METTL15: variants seen among roughly 807,000 people sequenced by gnomAD.
METTL15 encodes the protein 12S rRNA N(4)-cytidine methyltransferase METTL15.
A neutral mutation model predicts 38.3 loss-of-function variants in METTL15; 34 were observed. That is an observed-to-expected ratio of 0.89 (90% confidence interval 0.68 to 1.18). The LOEUF (loss-of-function observed/expected upper bound fraction) is 1.18, where lower values mean the gene tolerates loss of function less well. Ranked by LOEUF, METTL15 falls within the 50% of genes most tolerant of loss-of-function variation. The probability of loss-of-function intolerance (pLI) is 0.00; values close to 1 mark genes in which losing one functional copy is unlikely to be tolerated. For synonymous variants in METTL15, 162 were observed against 170.9 expected (o/e 0.95, Z 0.41); for missense variants, 438 against 498.4 (o/e 0.88, Z 1.15).
At chr11:28,230,839 C>T (rs1002362173) in intron 4 of METTL15, among the ~76,000 whole-genome samples, 2 of 151,796 alleles carry the variant, frequency 1.3e-5, no homozygotes, top group East Asian at 3.9e-4. Flanking sequence ...AAATTTAATG[C>T]ACAATTCAAT....
chr11:28,190,402 A>T (rs1045459819), intron 3 of METTL15, among the ~76,000 whole-genome samples: 1 of 151,220 alleles, frequency 6.6e-6, no homozygotes, highest in East Asian at 1.9e-4. Flanking sequence ...TTTACTTGTC[A>T]TGGTGTTAAG....
At chr11:28,367,133 G>T (rs1379179145) in intron 5 of METTL15, among the ~76,000 whole-genome samples, 1 of 151,212 alleles carries the variant, frequency 6.6e-6, no homozygotes, top group African/African-American at 2.4e-5. Context: ...TGAGCGACTG[G>T]TTTCTGTCTC....
At chr11:28,329,408 C>T (rs999803303) in intron 6 of METTL15, among the ~76,000 whole-genome samples, 23 of 151,518 alleles carry the variant, frequency 1.5e-4, no homozygotes, top group African/African-American at 4.6e-4. Flanking sequence ...TCTTTTTTTT[C>T]TTTCAAGATT....
chr11:28,216,067 A>AG (rs1190584967), intron 4 of METTL15, among the ~76,000 whole-genome samples: 1 of 150,080 alleles, frequency 6.7e-6, no homozygotes, highest in African/African-American at 2.5e-5. Flanking sequence ...AATACAAATG[A>AG]AAAGAGTTAA....
chr11:28,288,688 G>T (rs1856388004), intron 4 of METTL15, among the ~76,000 whole-genome samples: 1 of 152,032 alleles, frequency 6.6e-6, no homozygotes. Flanking sequence ...AGGAAGGAGA[G>T]GATCAGGAAA....
intron 3 of METTL15, among the ~76,000 whole-genome samples, chr11:28,126,088 C>G (rs1267964270): frequency 6.6e-6 from 1 of 151,990 alleles, no homozygotes; most frequent in African/African-American, 2.4e-5. Flanking sequence ...GTGGGATTTT[C>G]TTGGTGAAAG....
At chr11:28,464,196 G>A (rs1478686717) in intron 6 of METTL15, among the ~76,000 whole-genome samples, 2 of 152,062 alleles carry the variant, frequency 1.3e-5, no homozygotes, top group African/African-American at 4.8e-5. Context: ...TTTACATAAG[G>A]CCTTCTAATG....
chr11:28,391,399 G>A (rs7948256), intron 5 of METTL15, among the ~76,000 whole-genome samples: 2,375 of 151,974 alleles, frequency 0.016, 72 homozygotes, highest in African/African-American at 0.055. Flanking sequence ...TTTGAGATAC[G>A]TCCCATCAAT....
intron 4 of METTL15, among the ~76,000 whole-genome samples, chr11:28,218,542 C>A (rs1249098344): frequency 6.6e-6 from 1 of 152,082 alleles, no homozygotes; most frequent in Non-Finnish European, 1.5e-5. Context: ...TAATTGAATA[C>A]CCTTTATTTC....
chr11:28,336,391 AG>A (rs908252153), downstream of METTL15, among the ~76,000 whole-genome samples: 3 of 152,138 alleles, frequency 2.0e-5, no homozygotes, highest in Non-Finnish European at 4.4e-5. Context: ...ATACATATTG[AG>A]GGGGAAAAGG....
intron 3 of METTL15, among the ~76,000 whole-genome samples, chr11:28,149,772 G>A (rs941111459): frequency 2.0e-5 from 3 of 151,476 alleles, no homozygotes; most frequent in Non-Finnish European, 3.0e-5. Flanking sequence ...ATTTATTTTC[G>A]ATACAAAAAG....
chr11:28,178,725 T>C (rs1383682174), intron 3 of METTL15, among the ~76,000 whole-genome samples: 1 of 151,862 alleles, frequency 6.6e-6, no homozygotes, highest in Non-Finnish European at 1.5e-5. Flanking sequence ...GTTAATCTTT[T>C]TATTGTTTTG....
At chr11:28,392,060 A>C (rs1331878388) in intron 5 of METTL15, among the ~76,000 whole-genome samples, 1 of 152,220 alleles carries the variant, frequency 6.6e-6, no homozygotes, top group South Asian at 2.1e-4. Context: ...TTTGCAATCT[A>C]CTCTTCAGAC....
rs910862465 is a variant in METTL15 at position 28,239,396 on chromosome 11, T to G, written c.407+28198T>G. 4.6e-5 allele frequency among the ~76,000 whole-genome samples: 7 copies of G among 152,224 alleles called. 1 individual carries two copies. Among genetic ancestry groups the G allele is most frequent in the African/African-American group, 1.4e-4 (6 of 41,466 alleles). On this transcript the variant is annotated intron_variant, in intron 4 of 6. Transcript: ENST00000407364. ...CAGTACAATTCTGTTGGAAATCCCA[T>G]TAACTCTACCTTCAAGGTGTATATG...
chr11:28,416,376 G>A (rs956226386), intron 5 of METTL15, among the ~76,000 whole-genome samples: 86 of 152,302 alleles, frequency 5.6e-4, no homozygotes, highest in African/African-American at 2.0e-3. Context: ...CACAGACCCT[G>A]GAAGCAAGCT....
chr11:28,121,831 T>C lies in METTL15; in HGVS notation c.270+8227T>C, dbSNP rs1852250967. Among the ~76,000 whole-genome samples the C allele has an allele frequency of 2.6e-5, 4 of 152,056 alleles. No homozygotes were observed. In the South Asian group the frequency reaches 8.3e-4, roughly 31 times the overall value. On this transcript the variant is annotated intron_variant, in intron 3 of 6. Coordinates refer to ENST00000407364, the MANE Select transcript of METTL15 (RefSeq NM_001113528.2). ...TTTATGATAAGCTTTATGTTTATTATATGCAATATTTTAAGAGTGGCATGT... is the reference window on the plus strand; with the variant it reads ...TTTATGATAAGCTTTATGTTTATTACATGCAATATTTTAAGAGTGGCATGT...
intron 6 of METTL15, chr11:28,328,204 A>G: frequency 6.3e-7 from 1 of 1,587,304 alleles, no homozygotes; most frequent in East Asian, 2.3e-5. Flanking sequence ...TGATATGGAC[A>G]TCATGTTCCT....
chr11:28,341,379 TTAA>T (rs1363592938), intron 3 of METTL15, among the ~76,000 whole-genome samples: 4 of 152,214 alleles, frequency 2.6e-5, no homozygotes, highest in African/African-American at 4.8e-5. Flanking sequence ...ATATTCTTTA[TTAA>T]TGATGTTTAA....
rs201546971 is a variant in METTL15, at chr11:28,290,804, G to GA, written c.599+419dup. Among the ~76,000 whole-genome samples, 665 of 136,194 alleles carry GA rather than the reference G, an allele frequency of 4.9e-3. 6 individuals carry two copies. The highest frequency in any genetic ancestry group is 0.038 in the East Asian group (180 of 4,736). The allele number at this position is 136,194 out of a possible 152,430, so 89.3% of individuals were successfully genotyped here. On this transcript the variant is annotated intron_variant, in intron 5 of 6. Transcript: ENST00000407364. ...TTAATGCATCCTCTTTTAGCATACAGAAAAAAAAAAAAGGCAAGATCCTAG... is the reference window on the plus strand; with the variant it reads ...TTAATGCATCCTCTTTTAGCATACAGAAAAAAAAAAAAAGGCAAGATCCTAG...
Sources: allele counts gnomAD v4.1 joint callset (sites outside exome capture counted in the v4.1 genomes callset), GRCh38; gene constraint gnomAD v4.1.1; transcripts MANE v1.5; gene names NCBI Gene and HGNC (gene_info 2026-07-23, HGNC 2026-07-21).